Variants in ACCSL observed in about 807,000 individuals in gnomAD.
ACCSL encodes the protein probable inactive 1-aminocyclopropane-1-carboxylate synthase-like protein 2.
Under a neutral mutation model 61.7 loss-of-function variants are expected in ACCSL, and 55 were observed. The observed-to-expected ratio is 0.89, with a 90% CI of 0.72 to 1.12. ACCSL has a LOEUF of 1.12. Ranked by LOEUF, ACCSL falls within the 50% of genes most tolerant of loss-of-function variation. The probability of loss-of-function intolerance (pLI) is 0.00; values close to 1 mark genes in which losing one functional copy is unlikely to be tolerated. For synonymous variants in ACCSL, 258 were observed against 264.3 expected (o/e 0.98, Z 0.23); for missense variants, 632 against 698.0 (o/e 0.91, Z 1.07).
the ACCSL span, among the ~76,000 whole-genome samples, chr11:43,995,659 G>A: frequency 6.6e-6 from 1 of 152,130 alleles, no homozygotes; most frequent in Non-Finnish European, 1.5e-5. Context: ...GAAGGAGAGA[G>A]CTCTGTACCC....
chr11:44,045,703 GA>G (rs1372160118), upstream of ACCSL, among the ~76,000 whole-genome samples: 2 of 152,088 alleles, frequency 1.3e-5, no homozygotes, highest in East Asian at 3.9e-4. Flanking sequence ...AGACTAGTGG[GA>G]CTTTGGTAAC....
chr11:44,012,479 G>C, the ACCSL span, among the ~76,000 whole-genome samples: 981 of 152,176 alleles, frequency 6.4e-3, 11 homozygotes, highest in African/African-American at 0.023. Context: ...TAGAAACGGG[G>C]TTTCACCATG....
At chr11:43,936,215 T>C in the ACCSL span, among the ~76,000 whole-genome samples, 32 of 152,284 alleles carry the variant, frequency 2.1e-4, no homozygotes, top group East Asian at 5.0e-3. Flanking sequence ...CTTGGAGATA[T>C]GATTAGAGTG....
the ACCSL span, among the ~76,000 whole-genome samples, chr11:44,036,500 T>C: frequency 6.6e-6 from 1 of 152,130 alleles, no homozygotes; most frequent in Non-Finnish European, 1.5e-5. Context: ...CCAGGTTCTA[T>C]GCCAGGTGCT....
the ACCSL span, among the ~76,000 whole-genome samples, chr11:43,939,138 G>A: frequency 3.1e-4 from 47 of 152,336 alleles, no homozygotes; most frequent in African/African-American, 1.1e-3. Context: ...ACATGCAAAT[G>A]GCTTCAGCTC....
At chr11:43,934,354 C>T in the ACCSL span, among the ~76,000 whole-genome samples, 7 of 152,148 alleles carry the variant, frequency 4.6e-5, no homozygotes, top group South Asian at 2.1e-4. Context: ...AGGTGAGGGC[C>T]GGGACAGGGG....
chr11:43,936,789 G>T, the ACCSL span, among the ~76,000 whole-genome samples: 4 of 152,000 alleles, frequency 2.6e-5, no homozygotes, highest in African/African-American at 9.7e-5. Context: ...ATCCTGAGGT[G>T]GGGGAGTCAT....
At chr11:43,938,205 G>T in the ACCSL span, among the ~76,000 whole-genome samples, 21 of 148,206 alleles carry the variant, frequency 1.4e-4, no homozygotes, top group Admixed American at 9.9e-4. Context: ...GAGGTTCTCT[G>T]GGGGGGTGAC....
the ACCSL span, among the ~76,000 whole-genome samples, chr11:44,023,833 T>C: frequency 2.0e-5 from 3 of 152,190 alleles, no homozygotes; most frequent in African/African-American, 7.2e-5. Context: ...CTCATAAGTT[T>C]GGTATGTTGT....
At chr11:43,965,837 C>T in the ACCSL span, among the ~76,000 whole-genome samples, 1 of 152,142 alleles carries the variant, frequency 6.6e-6, no homozygotes, top group Non-Finnish European at 1.5e-5. Context: ...GGTATCAAGA[C>T]CATTTAATGG....
At chr11:44,019,852 A>T in the ACCSL span, among the ~76,000 whole-genome samples, 1,934 of 152,310 alleles carry the variant, frequency 0.013, 51 homozygotes, top group African/African-American at 0.044. Context: ...ATCTACTTCT[A>T]TGTTTTTCTC....
chr11:44,012,956 T>C, the ACCSL span, among the ~76,000 whole-genome samples: 11 of 152,288 alleles, frequency 7.2e-5, no homozygotes, highest in Non-Finnish European at 1.3e-4. Flanking sequence ...AATAATCTGG[T>C]CCTAAATATC....
At chr11:43,983,557 G>C in the ACCSL span, among the ~76,000 whole-genome samples, 4 of 152,124 alleles carry the variant, frequency 2.6e-5, no homozygotes, top group Non-Finnish European at 5.9e-5. Context: ...AGATCATGAG[G>C]AGCTTTCTAA....
At chr11:44,056,151 A>G (rs1952670048) in intron 10 of ACCSL, 34 bp from the exon 11 acceptor site, 1 of 1,614,038 alleles carries the variant, frequency 6.2e-7, no homozygotes, top group African/African-American at 1.3e-5. Context: ...GGCAGACAAA[A>G]CACTTGTTCC....
chr11:43,981,403 C>T, the ACCSL span, among the ~76,000 whole-genome samples: 4 of 152,114 alleles, frequency 2.6e-5, no homozygotes, highest in Non-Finnish European at 4.4e-5. Context: ...ACAATGCTTG[C>T]AGCAAGAGGC....
At chr11:43,942,075 T>TGTGTGCGTGC in the ACCSL span, among the ~76,000 whole-genome samples, 10 of 139,010 alleles carry the variant, frequency 7.2e-5, no homozygotes, top group African/African-American at 2.7e-4. Context: ...TGTGTGTGTG[T>TGTGTGCGTGC]GCGCGCGCGC....
the ACCSL span, among the ~76,000 whole-genome samples, chr11:44,027,560 C>G: frequency 1.3e-5 from 2 of 152,184 alleles, no homozygotes; most frequent in African/African-American, 4.8e-5. Flanking sequence ...TAATTCCTTT[C>G]CCCTCCTTCT....
chr11:44,021,857 C>T, the ACCSL span, among the ~76,000 whole-genome samples: 2 of 152,100 alleles, frequency 1.3e-5, no homozygotes, highest in African/African-American at 4.8e-5. Flanking sequence ...GATCCCAGGA[C>T]CATTTGTTGA....
chr11:44,053,321 G>A (rs1952651173), intron 7 of ACCSL, 85 bp from the exon 8 acceptor site: 4 of 1,383,978 alleles, frequency 2.9e-6, no homozygotes, highest in South Asian at 2.4e-5. Context: ...CTTTTTGGGT[G>A]CCTAACCTAT....
Sources: gnomAD v4.1 joint callset for allele counts (sites outside exome capture counted in the v4.1 genomes callset) on GRCh38, gnomAD v4.1.1 for gene constraint, MANE v1.5 for transcripts, NCBI Gene and HGNC (gene_info 2026-07-23, HGNC 2026-07-21) for gene names.